Variants in KHDRBS3 observed in about 807,000 individuals in gnomAD.
KHDRBS3 encodes KH domain-containing, RNA-binding, signal transduction-associated protein 3.
Under a neutral mutation model 45.6 loss-of-function variants are expected in KHDRBS3, and 23 were observed. That is an observed-to-expected ratio of 0.50 (90% CI 0.36 to 0.72). The LOEUF (loss-of-function observed/expected upper bound fraction) is 0.72. Among genes scored for constraint, KHDRBS3 ranks in the 30% least tolerant of loss-of-function variants. The probability of loss-of-function intolerance (pLI) is 0.00; values close to 1 mark genes in which losing one functional copy is unlikely to be tolerated. For missense variants in KHDRBS3, 352 were observed against 424.8 expected (o/e 0.83, Z 1.51); for synonymous variants, 162 against 156.5 (o/e 1.04, Z -0.26).
intron 3 of KHDRBS3, among the ~76,000 whole-genome samples, chr8:135,544,680 T>A (rs890458457): frequency 3.3e-5 from 5 of 152,210 alleles, no homozygotes; most frequent in African/African-American, 1.2e-4. Context: ...CCTGGCTGAA[T>A]GCCAGCTCTG....
chr8:135,627,574 A>G (rs1830427422), intron 7 of KHDRBS3, among the ~76,000 whole-genome samples: 1 of 152,258 alleles, frequency 6.6e-6, no homozygotes, highest in Non-Finnish European at 1.5e-5. Context: ...TTTAACATAC[A>G]AATTAGGGAT....
At chr8:135,588,671 C>T (rs1381436837) in intron 6 of KHDRBS3, among the ~76,000 whole-genome samples, 3 of 152,138 alleles carry the variant, frequency 2.0e-5, no homozygotes, top group Non-Finnish European at 4.4e-5. Context: ...AATAACAAAA[C>T]GCCCTCCTTT....
chr8:135,497,998 GCCTT>G (rs1444123340), intron 1 of KHDRBS3, among the ~76,000 whole-genome samples: 2 of 152,140 alleles, frequency 1.3e-5, no homozygotes, highest in Admixed American at 6.5e-5. Flanking sequence ...GCATGATGGT[GCCTT>G]CCTTCCTTGA....
chr8:135,463,053 G>C (rs1586545913), intron 1 of KHDRBS3, among the ~76,000 whole-genome samples: 1 of 152,232 alleles, frequency 6.6e-6, no homozygotes, highest in Non-Finnish European at 1.5e-5. Context: ...AAAATGGGTT[G>C]GATTGCCTGT....
chr8:135,529,842 C>T (rs1006768772), intron 2 of KHDRBS3, among the ~76,000 whole-genome samples: 5 of 151,912 alleles, frequency 3.3e-5, no homozygotes, highest in East Asian at 1.9e-4. Flanking sequence ...GGGCAGATCA[C>T]GAGGTCAGGA....
chr8:135,587,155 CTG>C (rs1828516505), intron 6 of KHDRBS3, among the ~76,000 whole-genome samples: 1 of 152,192 alleles, frequency 6.6e-6, no homozygotes. Flanking sequence ...TGAAATTCGT[CTG>C]ATATTTCTCA....
chr8:135,562,691 C>G (rs144464735), intron 5 of KHDRBS3, among the ~76,000 whole-genome samples: 2 of 152,256 alleles, frequency 1.3e-5, no homozygotes, highest in East Asian at 1.9e-4. Flanking sequence ...TACACAAAAA[C>G]GTACGTATTA....
chr8:135,617,796 C>T (rs1829981682), intron 7 of KHDRBS3, among the ~76,000 whole-genome samples: 1 of 152,148 alleles, frequency 6.6e-6, no homozygotes, highest in Non-Finnish European at 1.5e-5. Flanking sequence ...CGTCTCCAGT[C>T]AATAAAATCC....
chr8:135,587,298 A>G (rs925176894), intron 6 of KHDRBS3, among the ~76,000 whole-genome samples: 3 of 152,180 alleles, frequency 2.0e-5, no homozygotes, highest in East Asian at 1.9e-4. Flanking sequence ...AAATACATCT[A>G]TTTGACTTTG....
intron 7 of KHDRBS3, among the ~76,000 whole-genome samples, chr8:135,608,898 A>G (rs972305089): frequency 6.6e-6 from 1 of 152,228 alleles, no homozygotes; most frequent in African/African-American, 2.4e-5. Flanking sequence ...TATAAACAGA[A>G]AAACTTCAGT....
chr8:135,585,930 A>G (rs1828450414), intron 6 of KHDRBS3, among the ~76,000 whole-genome samples: 9 of 152,204 alleles, frequency 5.9e-5, no homozygotes, highest in Admixed American at 5.9e-4. Context: ...TGTGATGGGA[A>G]GAAATATGAT....
At chr8:135,521,394 G>C (rs894308649) in intron 2 of KHDRBS3, 39 bp downstream of exon 2, 2 of 1,078,454 alleles carry the variant, frequency 1.9e-6, no homozygotes, top group Non-Finnish European at 1.4e-6. Flanking sequence ...ATTTTAACCT[G>C]AATCAAAGGG....
In KHDRBS3 at chr8:135,546,011, G is replaced by A. The variant is rs538134657; in HGVS notation, c.325-2743G>A. ...AAATTAGCCGGGCATGGTGGTGCAC[G>A]TCTGTAATCCTGGCTACTCAGATGC... On this transcript the variant is annotated intron_variant, in intron 3 of 8. Transcript: ENST00000355849. Among the ~76,000 whole-genome samples, 13 of 152,132 alleles carry A rather than the reference G, an allele frequency of 8.5e-5. 1 individual carries two copies. In the South Asian group the frequency reaches 2.1e-3, roughly 24 times the overall value.
chr8:135,548,506 G>A (rs1342919931), intron 3 of KHDRBS3, among the ~76,000 whole-genome samples: 1 of 152,104 alleles, frequency 6.6e-6, no homozygotes, highest in Non-Finnish European at 1.5e-5. Context: ...GCTCCTACAA[G>A]TCAGCGTCTG....
chr8:135,625,992 TGGC>T (rs1830341742), intron 7 of KHDRBS3: 32 of 734,446 alleles, frequency 4.4e-5, no homozygotes, highest in South Asian at 3.7e-4. Context: ...CTTCGGCTCT[TGGC>T]GGAACCGTGT....
chr8:135,544,167 C>T lies in KHDRBS3; in HGVS notation c.324+1397C>T, dbSNP rs143221776. Among the ~76,000 whole-genome samples the T allele has an allele frequency of 4.7e-3, 716 of 152,196 alleles. 2 individuals are homozygous for T. The highest frequency in any genetic ancestry group is 0.017 in the African/African-American group (685 of 41,514). ...TAAGGCCATCTGGTAATGGGCTGCA[C>T]GATATGAGCAGTGAAACCCACAAGC... On this transcript the variant is annotated intron_variant, in intron 3 of 8. Coordinates refer to ENST00000355849, the MANE Select transcript of KHDRBS3 (RefSeq NM_006558.3).
At chr8:135,530,136 GA>G (rs1212781951) in intron 2 of KHDRBS3, among the ~76,000 whole-genome samples, 1 of 151,882 alleles carries the variant, frequency 6.6e-6, no homozygotes, top group Non-Finnish European at 1.5e-5. Flanking sequence ...TGCTTACTTT[GA>G]GGGTACATCA....
chr8:135,523,974 T>C (rs1359466998), intron 2 of KHDRBS3, among the ~76,000 whole-genome samples: 2 of 152,190 alleles, frequency 1.3e-5, no homozygotes, highest in Non-Finnish European at 2.9e-5. Context: ...TTTTATATAG[T>C]GCTGGATTCG....
chr8:135,626,932 A>G (rs1830399146), intron 7 of KHDRBS3, among the ~76,000 whole-genome samples: 1 of 152,114 alleles, frequency 6.6e-6, no homozygotes, highest in African/African-American at 2.4e-5. Flanking sequence ...AATTATGTAG[A>G]ACCATCTGCA....
Sources: gnomAD v4.1 joint callset for allele counts (sites outside exome capture counted in the v4.1 genomes callset) on GRCh38, gnomAD v4.1.1 for gene constraint, MANE v1.5 for transcripts, NCBI Gene and HGNC (gene_info 2026-07-23, HGNC 2026-07-21) for gene names.